The following XKR9 variants were observed in gnomAD, a reference collection of about 807,000 sequenced individuals.
XKR9 encodes the protein XK-related protein 9.
In XKR9, 32 loss-of-function variants were observed where a neutral mutation model predicts 32.0. The ratio of observed to expected loss-of-function variants is 1.00; its 90% CI spans 0.76 to 1.34. XKR9 has a LOEUF of 1.34. Ranked by LOEUF, XKR9 falls within the 40% of genes most tolerant of loss-of-function variation. XKR9 has a pLI of 0.00. For missense variants in XKR9, 546 were observed against 429.7 expected, an observed-to-expected ratio of 1.27 and a Z score of -2.39; for synonymous variants, 168 against 143.4, an observed-to-expected ratio of 1.17 and a Z score of -1.22.
At chr8:70,837,531 C>T in the XKR9 span, among the ~76,000 whole-genome samples, 1 of 151,964 alleles carries the variant, frequency 6.6e-6, no homozygotes, top group African/African-American at 2.4e-5. Flanking sequence ...CAGGATGATG[C>T]TCTGGAGGCA....
chr8:70,711,257 C>T (rs897601065), intron 4 of XKR9, among the ~76,000 whole-genome samples: 2 of 152,172 alleles, frequency 1.3e-5, no homozygotes, highest in Non-Finnish European at 2.9e-5. Flanking sequence ...CCATTCAACA[C>T]AGCAATCCCA....
the XKR9 span, among the ~76,000 whole-genome samples, chr8:70,836,122 T>G: frequency 6.6e-6 from 1 of 152,222 alleles, no homozygotes; most frequent in South Asian, 2.1e-4. Flanking sequence ...TTGGTGCATT[T>G]GATGTCTGAA....
At chr8:70,868,017 CTT>C in the XKR9 span, among the ~76,000 whole-genome samples, 2 of 152,228 alleles carry the variant, frequency 1.3e-5, no homozygotes, top group South Asian at 4.1e-4. Flanking sequence ...AAAATGGTGT[CTT>C]TTGACTCCAT....
intron 4 of XKR9, among the ~76,000 whole-genome samples, chr8:70,722,530 G>T (rs1399375735): frequency 2.6e-5 from 4 of 152,130 alleles, no homozygotes; most frequent in Admixed American, 1.3e-4. Flanking sequence ...TGTCTGTAAA[G>T]AATTTTATTT....
the XKR9 span, among the ~76,000 whole-genome samples, chr8:71,064,571 T>C: frequency 6.6e-6 from 1 of 152,230 alleles, no homozygotes; most frequent in Non-Finnish European, 1.5e-5. Flanking sequence ...GCATTAGTTT[T>C]TTCTCCCACA....
chr8:70,854,303 C>T, the XKR9 span, among the ~76,000 whole-genome samples: 1 of 152,096 alleles, frequency 6.6e-6, no homozygotes, highest in Admixed American at 6.6e-5. Flanking sequence ...TTTCATGTGC[C>T]TTTTGGCTGC....
At chr8:70,713,597 A>T (rs1413009210) in intron 4 of XKR9, among the ~76,000 whole-genome samples, 1 of 152,160 alleles carries the variant, frequency 6.6e-6, no homozygotes, top group African/African-American at 2.4e-5. Context: ...GGGTGATTCT[A>T]AATGAATAAA....
At chr8:70,951,351 C>T in the XKR9 span, among the ~76,000 whole-genome samples, 1 of 152,236 alleles carries the variant, frequency 6.6e-6, no homozygotes, top group Non-Finnish European at 1.5e-5. Context: ...TCAGCTGTGG[C>T]AGCTGCCAAG....
the XKR9 span, among the ~76,000 whole-genome samples, chr8:70,924,637 T>C: frequency 6.6e-6 from 1 of 152,140 alleles, no homozygotes; most frequent in Non-Finnish European, 1.5e-5. Context: ...CCTACACATA[T>C]GTATATTCAC....
chr8:71,006,280 G>A, the XKR9 span, among the ~76,000 whole-genome samples: 13 of 152,186 alleles, frequency 8.5e-5, no homozygotes, highest in Admixed American at 8.5e-4. Context: ...AGCTTTGAAT[G>A]CGACTCAATA....
chr8:70,819,724 G>C, the XKR9 span, among the ~76,000 whole-genome samples: 1 of 152,118 alleles, frequency 6.6e-6, no homozygotes, highest in Non-Finnish European at 1.5e-5. Flanking sequence ...AAGTAATACT[G>C]TCCTTGCCAA....
chr8:70,766,314 C>A (rs1807374848), intron 2 of XKR9, among the ~76,000 whole-genome samples: 1 of 152,120 alleles, frequency 6.6e-6, no homozygotes, highest in Non-Finnish European at 1.5e-5. Flanking sequence ...TTGAAGAGGT[C>A]CTTTACATCC....
At chr8:70,999,998 T>A in the XKR9 span, among the ~76,000 whole-genome samples, 1 of 152,344 alleles carries the variant, frequency 6.6e-6, no homozygotes, top group East Asian at 1.9e-4. Context: ...TCTTTCTCCC[T>A]AACTCTCCTC....
chr8:71,056,610 T>C, the XKR9 span, among the ~76,000 whole-genome samples: 1 of 152,190 alleles, frequency 6.6e-6, no homozygotes. Context: ...CTCACCCTAA[T>C]GCCTGCTAGA....
At chr8:70,789,156 C>T (rs10429277) in intron 2 of XKR9, among the ~76,000 whole-genome samples, 7 of 151,612 alleles carry the variant, frequency 4.6e-5, no homozygotes, top group East Asian at 1.9e-4. Context: ...ACACAGTTTA[C>T]GTGTAACTTA....
chr8:70,908,307 G>A, the XKR9 span, among the ~76,000 whole-genome samples: 1 of 152,094 alleles, frequency 6.6e-6, no homozygotes, highest in African/African-American at 2.4e-5. Context: ...CCTCAAAAGT[G>A]TTTTTTTAAA....
At chr8:70,989,186 TG>T in the XKR9 span, among the ~76,000 whole-genome samples, 5 of 152,204 alleles carry the variant, frequency 3.3e-5, no homozygotes, top group Non-Finnish European at 7.3e-5. Context: ...AGATCTGTTA[TG>T]GAAACCAGCA....
chr8:70,777,285 C>T (rs993200111), intron 2 of XKR9, among the ~76,000 whole-genome samples: 3 of 152,046 alleles, frequency 2.0e-5, no homozygotes, highest in African/African-American at 7.2e-5. Context: ...AAGACATGAA[C>T]TCATCCTTTT....
At chr8:71,021,375 T>G in the XKR9 span, among the ~76,000 whole-genome samples, 3 of 152,208 alleles carry the variant, frequency 2.0e-5, no homozygotes, top group Non-Finnish European at 4.4e-5. Context: ...GATGCAGTTA[T>G]TTTTTGCTTG....
Sources: allele counts gnomAD v4.1 joint callset (sites outside exome capture counted in the v4.1 genomes callset), GRCh38; gene constraint gnomAD v4.1.1; transcripts MANE v1.5; gene names NCBI Gene and HGNC (gene_info 2026-07-23, HGNC 2026-07-21).